The following DSG1 variants were observed in gnomAD, a reference collection of about 807,000 sequenced individuals.
DSG1 encodes desmoglein 1, also known as desmoglein-1.
Under a neutral mutation model 97.5 loss-of-function variants are expected in DSG1, and 39 were observed. The observed-to-expected ratio is 0.40, with a 90% CI of 0.31 to 0.52. The LOEUF (loss-of-function observed/expected upper bound fraction) is 0.52, where lower values mean the gene tolerates loss of function less well. Among genes scored for constraint, DSG1 ranks in the 20% least tolerant of loss-of-function variants. The probability of loss-of-function intolerance (pLI) is 0.53; values close to 1 mark genes in which losing one functional copy is unlikely to be tolerated. For synonymous variants in DSG1, 475 were observed against 443.4 expected, an observed-to-expected ratio of 1.07 and a Z score of -0.90; for missense variants, 1,311 against 1,295.4, an observed-to-expected ratio of 1.01 and a Z score of -0.18.
intron 1 of DSG1, among the ~76,000 whole-genome samples, chr18:31,320,682 T>C (rs1348187911): frequency 2.0e-5 from 3 of 152,236 alleles, no homozygotes; most frequent in East Asian, 1.9e-4. Flanking sequence ...CTATTTTTCA[T>C]TCTTCTTTTT....
intron 11 of DSG1, among the ~76,000 whole-genome samples, chr18:31,343,018 C>T (rs2071800282): frequency 6.6e-6 from 1 of 151,798 alleles, no homozygotes; most frequent in Admixed American, 6.6e-5. Context: ...TCAAGCCATC[C>T]TCCCACCTCA....
intron 4 of DSG1, 123 bp from the exon 5 acceptor site, chr18:31,329,769 G>T (rs2071709178): frequency 8.1e-7 from 1 of 1,241,588 alleles, no homozygotes; most frequent in Non-Finnish European, 1.2e-6. Flanking sequence ...AGTAGGGCTT[G>T]TGCCTATGTT....
intron 14 of DSG1, 86 bp downstream of exon 14, chr18:31,346,284 G>T (rs1268604605): frequency 1.2e-5 from 13 of 1,117,540 alleles, no homozygotes; most frequent in Non-Finnish European, 1.6e-5. Context: ...AAGGGGCTTT[G>T]GCAGGAGTCT....
chr18:31,339,699 C>G, intron 10 of DSG1, 45 bp from the exon 11 acceptor site: 2 of 1,464,894 alleles, frequency 1.4e-6, no homozygotes, highest in Non-Finnish European at 1.9e-6. Flanking sequence ...ACCATTCCTA[C>G]ACTAAATGTC....
chr18:31,348,556 C>A (rs34538032), intron 14 of DSG1, among the ~76,000 whole-genome samples: 119,202 of 149,104 alleles, frequency 0.8, 48,162 homozygotes, highest in East Asian at 0.99. Flanking sequence ...TGACTTCCAC[C>A]ATGGTTGAAC....
chr18:31,338,317 A>T lies in DSG1; in HGVS notation c.1268A>T (p.Tyr423Phe). The part of the protein sequence containing the change: ...DTGRPSTTVR[Y>F]VMGNNPADLL... ...GTATCATTTTCTTTCAAATACAGGTATGTAATGGGAAATAATCCAGCTGAC... is the reference window on the plus strand; with the variant it reads ...GTATCATTTTCTTTCAAATACAGGTTTGTAATGGGAAATAATCCAGCTGAC... Residue 423 changes from tyrosine to phenylalanine, a missense_variant and splice_region_variant, in exon 10 of 15, where the codon TAT becomes TTT. Coordinates refer to ENST00000257192, the MANE Select transcript of DSG1 (RefSeq NM_001942.4). 1 of 1,613,558 alleles carries T rather than the reference A, an allele frequency of 6.2e-7. No homozygotes were observed. Among genetic ancestry groups the T allele is most frequent in the African/African-American group, 1.3e-5 (1 of 75,022 alleles).
In DSG1 at chr18:31,340,052, A is replaced by C. The variant is rs1598706451; in HGVS notation, c.1687+27A>C. On this transcript the variant is annotated intron_variant, in intron 11 of 14. Coordinates refer to ENST00000257192, the MANE Select transcript of DSG1 (RefSeq NM_001942.4). ...TAAGTACTTTAGCAATCCTATGTATATGTGTCCCCCAAAAAATGCTGGGGG... is the reference window on the plus strand; with the variant it reads ...TAAGTACTTTAGCAATCCTATGTATCTGTGTCCCCCAAAAAATGCTGGGGG... 1.9e-6 allele frequency: 3 copies of C among 1,608,026 alleles called. No individual in the cohort carries two copies. In the East Asian group the frequency reaches 6.7e-5, roughly 36 times the overall value.
At chr18:31,319,225 C>T (rs1338122485) in intron 1 of DSG1, among the ~76,000 whole-genome samples, 4 of 152,178 alleles carry the variant, frequency 2.6e-5, no homozygotes, top group South Asian at 2.1e-4. Flanking sequence ...TAATCTCTCT[C>T]ATAGTAAGGT....
rs1321151697 is a variant in DSG1, at chr18:31,344,707, C to CAGA, written c.1891+712_1891+713insAGA. Among the ~76,000 whole-genome samples, 4 of 152,026 alleles carry CAGA rather than the reference C, an allele frequency of 2.6e-5. No homozygotes were observed. In the East Asian group the frequency reaches 7.7e-4, roughly 29 times the overall value. On this transcript the variant is annotated intron_variant, in intron 13 of 14. Coordinates refer to ENST00000257192, the MANE Select transcript of DSG1 (RefSeq NM_001942.4). The stretch of plus-strand genomic sequence containing the variant: ...AATCTAGACCAGTTCACAGGCAGAA[C>CAGA]CCAGGGAATAATTAGAATTTCACAG...
rs371824702 is a variant in DSG1, at chr18:31,336,605, G to A, written c.1257G>A (p.Thr419=). Residue 419 remains threonine, a synonymous_variant, in exon 9 of 15, where the codon ACG becomes ACA. Coordinates refer to ENST00000257192, the MANE Select transcript of DSG1 (RefSeq NM_001942.4). The stretch of plus-strand genomic sequence containing the variant: ...ACCTGGACACAGGTAGACCTTCAAC[G>A]ACTGTTAGGTAAGAATGAGATTTTC... The part of the protein sequence containing the change: ...ATDLDTGRPS[T]TVRYVMGNNP... 93 of 1,613,972 alleles carry A rather than the reference G, an allele frequency of 5.8e-5. No homozygotes were observed. In the African/African-American group the frequency reaches 8.0e-4, roughly 14 times the overall value.
At chr18:31,324,348 C>T (rs35382145) in intron 1 of DSG1, among the ~76,000 whole-genome samples, 60,255 of 150,626 alleles carry the variant, frequency 0.4, 13,549 homozygotes, top group Non-Finnish European at 0.5. Flanking sequence ...AATGTAGGAA[C>T]TCTTCTAGTT....
At position 31,354,323 on chromosome 18, in the gene DSG1, T is replaced by C; in HGVS notation, c.2127T>C (p.Asp709=). 6.2e-7 allele frequency: 1 copy of C among 1,614,244 alleles called. No homozygotes were observed. The highest frequency in any genetic ancestry group is 8.5e-7 in the Non-Finnish European group (1 of 1,180,042). ...CQKAYAYADE[D]EGRPSNDCLL... ...AAGCATATGCTTACGCAGATGAAGA[T>C]GAAGGACGCCCATCTAATGACTGTT... is the stretch of plus-strand genomic sequence containing the variant. Residue 709 remains aspartate (D), a synonymous_variant, in exon 15 of 15, where the codon GAT becomes GAC. Transcript: ENST00000257192.
Position 31,338,437 on chromosome 18 carries a change from C to A in DSG1, c.1388C>A (p.Thr463Lys). 2 of 1,613,318 alleles carry A rather than the reference C, an allele frequency of 1.2e-6. No individual in the cohort carries two copies. The highest frequency in any genetic ancestry group is 1.7e-6 in the Non-Finnish European group (2 of 1,179,456). ...YNMLGGKYQG[T>K]ILSIDDNLQR... is the part of the protein sequence containing the mutation. Reference sequence around the variant, plus strand: ...ATGCTCGGAGGAAAATACCAAGGAACGATTCTCTCTATAGATGGTAAGAAA... The same window carrying A: ...ATGCTCGGAGGAAAATACCAAGGAAAGATTCTCTCTATAGATGGTAAGAAA... The change falls in exon 10 of 15, where the codon ACG becomes AAG. Residue 463 changes from threonine (T) to lysine (K), a missense_variant. Physicochemically the swap from Thr to Lys is moderately conservative, Grantham distance 78. This residue lies in a region of DSG1 where 1,038 missense variants were observed against 964.6 expected (regional missense o/e 1.08). Transcript: ENST00000257192.
At chr18:31,345,924 C>G in intron 13 of DSG1, 66 bp from the exon 14 acceptor site, 1 of 1,283,234 alleles carries the variant, frequency 7.8e-7, no homozygotes, top group East Asian at 2.5e-5. Context: ...TATTACAAGG[C>G]AAGTTGTTAC....
At position 31,354,769 on chromosome 18, in the gene DSG1, C is replaced by A. The variant is rs757115046; in HGVS notation, c.2573C>A (p.Pro858Gln). The A allele has an allele frequency of 5.6e-6, 9 of 1,614,014 alleles. No individual in the cohort carries two copies. The highest frequency in any genetic ancestry group is 6.8e-6 in the Non-Finnish European group (8 of 1,180,008). ...TCTGTGCACGTTCACGATAACCGAC[C>A]AGCATCAAACGTGGTAGTGACAGAG... ...KPSVHVHDNR[P>Q]ASNVVVTERV... The change falls in exon 15 of 15, where the codon CCA becomes CAA. Residue 858 changes from proline to glutamine, a missense_variant. By Grantham distance (76) the Pro-to-Gln change is moderately conservative (BLOSUM62 -1). Coordinates refer to ENST00000257192, the MANE Select transcript of DSG1 (RefSeq NM_001942.4).
rs1598715042 is a variant in DSG1, at chr18:31,350,541, T to C, written c.2101-3756T>C. Reference sequence around the variant, plus strand: ...TTGATTGGAATAGTTTCAGAAGGAATGGTACCAGTTCCTCCTTGTACCTCT... The same window carrying C: ...TTGATTGGAATAGTTTCAGAAGGAACGGTACCAGTTCCTCCTTGTACCTCT... On this transcript the variant is annotated intron_variant, in intron 14 of 14. Coordinates refer to ENST00000257192, the MANE Select transcript of DSG1 (RefSeq NM_001942.4). 2.7e-5 allele frequency among the ~76,000 whole-genome samples: 4 copies of C among 150,728 alleles called. No individual in the cohort carries two copies. The East Asian group carries it at 7.8e-4, about 29-fold the overall frequency.
chr18:31,325,553 T>A (rs2071680493), intron 1 of DSG1, among the ~76,000 whole-genome samples: 1 of 152,160 alleles, frequency 6.6e-6, no homozygotes, highest in African/African-American at 2.4e-5. Flanking sequence ...CAAGATGGGC[T>A]CTACAGATAA....
In DSG1 at chr18:31,336,352, A is replaced by G; in HGVS notation, c.1006-2A>G. The stretch of plus-strand genomic sequence containing the variant: ...GAAACTATTTTACTCTGTATTTTCT[A>G]GCCCTTAGATTATGAAGCTATGCAG... On this transcript the variant is annotated splice_acceptor_variant, in intron 8 of 14. Transcript: ENST00000257192. LOFTEE classifies it high-confidence loss of function. The G allele has an allele frequency of 6.2e-7, 1 of 1,612,810 alleles. No individual in the cohort carries two copies. Among genetic ancestry groups the G allele is most frequent in the Non-Finnish European group, 8.5e-7 (1 of 1,179,272 alleles).
At chr18:31,351,011 C>CT (rs1568048638) in intron 14 of DSG1, among the ~76,000 whole-genome samples, 1 of 149,900 alleles carries the variant, frequency 6.7e-6, no homozygotes, top group Non-Finnish European at 1.5e-5. Context: ...CTTCTGCTAG[C>CT]TTTTGAATGT....
Sources: allele counts gnomAD v4.1 joint callset (sites outside exome capture counted in the v4.1 genomes callset), GRCh38; gene constraint gnomAD v4.1.1; regional missense constraint gnomAD v4.1.1; transcripts MANE v1.5; gene names NCBI Gene and HGNC (gene_info 2026-07-23, HGNC 2026-07-21).